CASP8: variants seen among roughly 807,000 people sequenced by gnomAD.
CASP8 encodes caspase-8.
A neutral mutation model predicts 46.3 loss-of-function variants in CASP8; 24 were observed. The ratio of observed to expected loss-of-function variants is 0.52; its 90% confidence interval spans 0.38 to 0.73. The LOEUF is 0.73. Among genes scored for constraint, CASP8 ranks in the 30% least tolerant of loss-of-function variants. The probability of loss-of-function intolerance (pLI) is 0.00; values close to 1 mark genes in which losing one functional copy is unlikely to be tolerated. For missense variants in CASP8, 460 were observed against 559.0 expected (o/e 0.82, Z 1.79); for synonymous variants, 188 against 200.4 (o/e 0.94, Z 0.52).
intron 1 of CASP8, chr2:201,233,948 TAGA>T (rs1459152809): frequency 6.6e-6 from 1 of 152,220 alleles, no homozygotes; most frequent in African/African-American, 2.4e-5. Context: ...AAGACATCAG[TAGA>T]AGGAGGGCCC....
chr2:201,267,235 C>T (rs35309892), intron 2 of CASP8, among the ~76,000 whole-genome samples: 3 of 152,008 alleles, frequency 2.0e-5, no homozygotes, highest in Non-Finnish European at 4.4e-5. Flanking sequence ...ATCTTGATGC[C>T]TCTCGATATC....
At chr2:201,258,139 G>A (rs1345465044), upstream of CASP8, 11 of 1,404,904 alleles carry the variant, frequency 7.8e-6, no homozygotes, top group Admixed American at 1.7e-5. Flanking sequence ...TCTGCTGGAG[G>A]GAAGTGTTTT....
At chr2:201,255,194 G>A (rs1039299659) in intron 2 of CASP8, among the ~76,000 whole-genome samples, 8 of 151,958 alleles carry the variant, frequency 5.3e-5, no homozygotes, top group African/African-American at 1.7e-4. Flanking sequence ...AGTGAGTCTC[G>A]TGCCTTGAGT....
At chr2:201,267,473 G>A (rs2125166389) in intron 2 of CASP8, among the ~76,000 whole-genome samples, 1 of 152,224 alleles carries the variant, frequency 6.6e-6, no homozygotes, top group East Asian at 1.9e-4. Flanking sequence ...GTTCCTGTGA[G>A]CCCGGCTGTA....
chr2:201,260,053 G>A (rs1273569958), upstream of CASP8, among the ~76,000 whole-genome samples: 3 of 150,328 alleles, frequency 2.0e-5, no homozygotes, highest in Non-Finnish European at 4.4e-5. Context: ...CCACAGAGAT[G>A]CTCCTTGGCT....
intron 7 of CASP8, among the ~76,000 whole-genome samples, chr2:201,284,610 G>A (rs1468685880): frequency 1.7e-5 from 1 of 58,772 alleles, no homozygotes; most frequent in Non-Finnish European, 4.5e-5. Flanking sequence ...AGGTTGCAGT[G>A]AGCCGAGATG....
intron 6 of CASP8, among the ~76,000 whole-genome samples, chr2:201,275,683 C>G (rs1948587995): frequency 6.6e-6 from 1 of 152,152 alleles, no homozygotes; most frequent in Admixed American, 6.5e-5. Flanking sequence ...AAGCATTGTC[C>G]CCACTGAAGA....
At chr2:201,276,759 GTTGT>G (rs902988705) in intron 6 of CASP8, 64 bp from the exon 7 acceptor site, 2 of 1,608,914 alleles carry the variant, frequency 1.2e-6, no homozygotes, top group East Asian at 2.2e-5. Context: ...TTACTAGGGA[GTTGT>G]TTGTTTACAT....
intron 8 of CASP8, 24 bp downstream of exon 8, chr2:201,285,341 C>T (rs2125493456): frequency 6.2e-7 from 1 of 1,611,778 alleles, no homozygotes; most frequent in African/African-American, 1.3e-5. Context: ...ACTCAGCCCT[C>T]CTCACTGTTA....
intron 7 of CASP8, among the ~76,000 whole-genome samples, chr2:201,283,039 A>AG (rs1949219537): frequency 3.3e-5 from 1 of 30,094 alleles, no homozygotes. Context: ...CTGGCCGGGC[A>AG]GGGGGCTGAC....
intron 7 of CASP8, among the ~76,000 whole-genome samples, chr2:201,283,165 C>T (rs1170110615): frequency 1.0e-4 from 7 of 66,908 alleles, no homozygotes; most frequent in African/African-American, 3.0e-4. Context: ...CCAGTAGGGG[C>T]GGCCGGGCAG....
At chr2:201,276,722 G>C in intron 6 of CASP8, 105 bp from the exon 7 acceptor site, 2 of 1,436,470 alleles carry the variant, frequency 1.4e-6, no homozygotes, top group Non-Finnish European at 9.7e-7. Context: ...CCCCGAGTTG[G>C]GGTGGTGCAA....
chr2:201,277,176 G>A lies in CASP8; in HGVS notation c.802+208G>A, dbSNP rs557331537. On this transcript the variant is annotated intron_variant, in intron 7 of 8. Coordinates refer to ENST00000673742, the MANE Select transcript of CASP8 (RefSeq NM_001372051.1). ...AATTAATTTTTTAAATAAAAGTAAT[G>A]TATGTATAAATATAAAATATCAAAT... is the stretch of plus-strand genomic sequence containing the variant. The A allele has an allele frequency of 1.4e-5, 6 of 431,454 alleles. No homozygotes were observed. In the East Asian group the frequency reaches 2.5e-4, roughly 18 times the overall value. The allele number at this position is 431,454 out of a possible 1,614,324, so 26.7% of individuals were successfully genotyped here.
At chr2:201,236,157 G>C (rs573846027) in intron 2 of CASP8, among the ~76,000 whole-genome samples, 2 of 152,162 alleles carry the variant, frequency 1.3e-5, no homozygotes, top group Non-Finnish European at 2.9e-5. Flanking sequence ...AAAATATTTC[G>C]TATGCCCTCT....
chr2:201,249,682 A>T (rs1452068605), intron 2 of CASP8, among the ~76,000 whole-genome samples: 2 of 152,140 alleles, frequency 1.3e-5, no homozygotes, highest in Non-Finnish European at 2.9e-5. Context: ...TTGAGATCAC[A>T]CCACTGCACT....
intron 2 of CASP8, among the ~76,000 whole-genome samples, chr2:201,234,664 G>A (rs1945971695): frequency 6.6e-6 from 1 of 151,070 alleles, no homozygotes; most frequent in Non-Finnish European, 1.5e-5. Context: ...TCACCATGTT[G>A]GCCAGGCTGG....
chr2:201,275,410 C>T (rs1259777017), intron 6 of CASP8, among the ~76,000 whole-genome samples: 2 of 152,222 alleles, frequency 1.3e-5, no homozygotes, highest in Admixed American at 6.5e-5. Context: ...GTTTTTGTCT[C>T]AGTGAACCAG....
At chr2:201,245,479 G>A (rs1364090751) in intron 2 of CASP8, among the ~76,000 whole-genome samples, 1 of 152,178 alleles carries the variant, frequency 6.6e-6, no homozygotes, top group Non-Finnish European at 1.5e-5. Context: ...AACTTCAAGT[G>A]ATCCGCCCAC....
At position 201,276,813 on chromosome 2, in the gene CASP8, T is replaced by G. The variant is rs2125317935; in HGVS notation, c.661-14T>G. 1.2e-6 allele frequency: 2 copies of G among 1,613,734 alleles called. No individual in the cohort carries two copies. Among genetic ancestry groups the G allele is most frequent in the Non-Finnish European group, 1.7e-6 (2 of 1,179,724 alleles). ...CCACAGAGTCAGCTCCTGGGTTGGGTTTTTGTTTTCCAGACTTTGGACAAA... is the reference window on the plus strand; with the variant it reads ...CCACAGAGTCAGCTCCTGGGTTGGGGTTTTGTTTTCCAGACTTTGGACAAA... On this transcript the variant is annotated splice_polypyrimidine_tract_variant and intron_variant, in intron 6 of 8. Transcript: ENST00000673742.
Sources: gnomAD v4.1 joint callset for allele counts (sites outside exome capture counted in the v4.1 genomes callset) on GRCh38, gnomAD v4.1.1 for gene constraint, MANE v1.5 for transcripts, NCBI Gene and HGNC (gene_info 2026-07-23, HGNC 2026-07-21) for gene names.